The following HNF4G variants were observed in gnomAD, a reference collection of about 807,000 sequenced individuals.
The protein encoded by HNF4G is hepatocyte nuclear factor 4 gamma, also known as hepatocyte nuclear factor 4-gamma.
In HNF4G, 21 loss-of-function variants were observed where a neutral mutation model predicts 50.9. The observed-to-expected ratio is 0.41, with a 90% CI of 0.29 to 0.59. The LOEUF (loss-of-function observed/expected upper bound fraction) is 0.59. Among genes scored for constraint, HNF4G ranks in the 20% least tolerant of loss-of-function variants. The pLI is 0.26. For synonymous variants in HNF4G, 198 were observed against 185.6 expected (o/e 1.07, Z -0.54); for missense variants, 527 against 559.4 (o/e 0.94, Z 0.58).
intron 1 of HNF4G, among the ~76,000 whole-genome samples, chr8:75,425,272 C>T (rs1810866726): frequency 6.6e-6 from 1 of 151,378 alleles, no homozygotes; most frequent in Non-Finnish European, 1.5e-5. Context: ...TCAGTGGAGA[C>T]GGGGTTTCAC....
chr8:75,446,747 G>A (rs2130562961), intron 1 of HNF4G, among the ~76,000 whole-genome samples: 1 of 110,204 alleles, frequency 9.1e-6, no homozygotes, highest in Admixed American at 8.9e-5. Flanking sequence ...CCTCTTCAAG[G>A]AGAACTACAA....
chr8:75,548,749 A>G (rs1054946810), intron 3 of HNF4G, among the ~76,000 whole-genome samples: 1 of 152,246 alleles, frequency 6.6e-6, no homozygotes, highest in Middle Eastern at 3.2e-3. Context: ...ACAAACTAAA[A>G]TAATCAAATG....
At position 75,467,992 on chromosome 8, in the gene HNF4G, G is replaced by A. The variant is rs141455333; in HGVS notation, c.-143-22097G>A. ...TTCTTTTCTTGTTATAAATGATATC[G>A]TCATATATATTTATACAAAAATGTA... On this transcript the variant is annotated intron_variant, in intron 1 of 10. Transcript: ENST00000354370. Among the ~76,000 whole-genome samples the A allele has an allele frequency of 2.4e-4, 37 of 151,782 alleles. 1 individual carries two copies. The Middle Eastern group carries it at 0.017, about 70-fold the overall frequency.
At chr8:75,454,892 T>C (rs1811682794) in intron 1 of HNF4G, among the ~76,000 whole-genome samples, 2 of 152,144 alleles carry the variant, frequency 1.3e-5, no homozygotes. Flanking sequence ...AAACCTATTT[T>C]TGAGTGATTG....
intron 2 of HNF4G, among the ~76,000 whole-genome samples, chr8:75,518,935 A>G (rs1913639): frequency 0.8 from 121,745 of 152,182 alleles, 49,514 homozygotes; most frequent in African/African-American, 0.95. Flanking sequence ...GCATCTTCGT[A>G]CTGAAAATTT....
In HNF4G at chr8:75,417,390, C is replaced by T. The variant is rs1035070662; in HGVS notation, c.-144+9228C>T. Among the ~76,000 whole-genome samples the T allele has an allele frequency of 9.2e-5, 14 of 152,272 alleles. No individual in the cohort carries two copies. The South Asian group carries it at 1.2e-3, about 14-fold the overall frequency. On this transcript the variant is annotated intron_variant, in intron 1 of 10. Transcript: ENST00000354370. ...GTTTAATTCTTTCAATAACTCTATA[C>T]GGTATAAGATATTGTTATCTCCACT...
rs548067378 is a variant in HNF4G, at chr8:75,482,575, C to G, written c.-143-7514C>G. Among the ~76,000 whole-genome samples, 19 of 152,204 alleles carry G rather than the reference C, an allele frequency of 1.2e-4. No individual in the cohort carries two copies. The South Asian group carries it at 3.9e-3, about 32-fold the overall frequency. On this transcript the variant is annotated intron_variant, in intron 1 of 10. Coordinates refer to the HNF4G transcript ENST00000354370. Reference sequence around the variant, plus strand: ...TAGAGATGGGGTTTCACCATGTTGCCCAGGCTGGTCTTGAACTCCTGACCT... The same window carrying G: ...TAGAGATGGGGTTTCACCATGTTGCGCAGGCTGGTCTTGAACTCCTGACCT...
intron 2 of HNF4G, among the ~76,000 whole-genome samples, chr8:75,495,684 C>T (rs773421914): frequency 2.6e-4 from 39 of 151,852 alleles, no homozygotes; most frequent in South Asian, 1.7e-3. Flanking sequence ...CCCACAGGCC[C>T]GTCCCACCAG....
chr8:75,539,253 T>G (rs547948887), upstream of HNF4G, among the ~76,000 whole-genome samples: 1 of 152,190 alleles, frequency 6.6e-6, no homozygotes, highest in Non-Finnish European at 1.5e-5. Context: ...TACTAGCAGC[T>G]GTACTGGTTC....
intron 1 of HNF4G, among the ~76,000 whole-genome samples, chr8:75,432,971 G>A (rs1290101497): frequency 2.0e-5 from 3 of 152,136 alleles, no homozygotes; most frequent in African/African-American, 7.2e-5. Context: ...CTTTGAATGA[G>A]CCATTTTCAA....
At chr8:75,418,854 A>T in intron 1 of HNF4G, among the ~76,000 whole-genome samples, 1 of 151,090 alleles carries the variant, frequency 6.6e-6, no homozygotes, top group East Asian at 2.0e-4. Context: ...CAGCCTCCCG[A>T]GTAGCTGGGA....
rs78904269 is a variant in HNF4G, at chr8:75,429,299, T to A, written c.-144+21137T>A. On this transcript the variant is annotated intron_variant, in intron 1 of 10. Coordinates refer to the HNF4G transcript ENST00000354370. ...GACTTTGTCTTTCAAAAGTTATGTT[T>A]CAACAATGTATTTTGTCTGGAATTT... Among the ~76,000 whole-genome samples, 24 of 152,294 alleles carry A rather than the reference T, an allele frequency of 1.6e-4. No individual in the cohort carries two copies. The East Asian group carries it at 4.4e-3, about 28-fold the overall frequency.
At chr8:75,461,352 C>T (rs181413632) in intron 1 of HNF4G, among the ~76,000 whole-genome samples, 74 of 152,258 alleles carry the variant, frequency 4.9e-4, no homozygotes, top group Non-Finnish European at 9.6e-4. Context: ...CTTCCTTCTT[C>T]AAAGCCCACA....
At chr8:75,422,782 C>G (rs1261262604) in intron 1 of HNF4G, among the ~76,000 whole-genome samples, 1 of 152,016 alleles carries the variant, frequency 6.6e-6, no homozygotes. Flanking sequence ...TACAGGCGCC[C>G]GCCACCATGC....
At chr8:75,408,985 G>A (rs1810429650) in intron 1 of HNF4G, among the ~76,000 whole-genome samples, 1 of 152,124 alleles carries the variant, frequency 6.6e-6, no homozygotes, top group Non-Finnish European at 1.5e-5. Flanking sequence ...CATTCTTCCT[G>A]TCTAGCTGTC....
chr8:75,538,097 T>C (rs1256440084), upstream of HNF4G, among the ~76,000 whole-genome samples: 1 of 152,180 alleles, frequency 6.6e-6, no homozygotes, highest in African/African-American at 2.4e-5. Flanking sequence ...TGAGGAGATA[T>C]GCTTGCTATT....
At chr8:75,441,404 C>A (rs1311279327) in intron 1 of HNF4G, among the ~76,000 whole-genome samples, 1 of 152,002 alleles carries the variant, frequency 6.6e-6, no homozygotes, top group East Asian at 1.9e-4. Flanking sequence ...CGCCACCACA[C>A]CCGGCTAATA....
intron 2 of HNF4G, among the ~76,000 whole-genome samples, chr8:75,497,935 A>G (rs1267560281): frequency 2.0e-5 from 3 of 152,162 alleles, no homozygotes; most frequent in Non-Finnish European, 4.4e-5. Context: ...TAGTATACAT[A>G]TTAATAGAGA....
intron 2 of HNF4G, among the ~76,000 whole-genome samples, chr8:75,531,461 T>C (rs1014114726): frequency 6.6e-6 from 1 of 152,124 alleles, no homozygotes; most frequent in Non-Finnish European, 1.5e-5. Context: ...ATCTTATCTT[T>C]CCACTATCTA....
Sources: allele counts gnomAD v4.1 joint callset (sites outside exome capture counted in the v4.1 genomes callset), GRCh38; gene constraint gnomAD v4.1.1; transcripts MANE v1.5; gene names NCBI Gene and HGNC (gene_info 2026-07-23, HGNC 2026-07-21).